FBXL6: variants seen among roughly 807,000 people sequenced by gnomAD.
The protein encoded by FBXL6 is F-box and leucine rich repeat protein 6, also known as F-box/LRR-repeat protein 6.
FBXL6 carries 50 observed loss-of-function variants against 53.3 expected under a neutral mutation model. That is an observed-to-expected ratio of 0.94 (90% confidence interval 0.75 to 1.19). FBXL6 has a LOEUF of 1.19. Ranked by LOEUF, FBXL6 falls within the 50% of genes most tolerant of loss-of-function variation. The pLI, the probability that FBXL6 is intolerant of heterozygous loss-of-function variation, is 0.00. For missense variants in FBXL6, 815 were observed against 719.0 expected (o/e 1.13, Z -1.53); for synonymous variants, 405 against 322.9 (o/e 1.25, Z -2.73).
rs782372899 is a variant in FBXL6 at position 144,356,440 on chromosome 8, C to A, written c.1085G>T (p.Cys362Phe). The change falls in exon 7 of 9, where the codon TGC becomes TTC. Residue 362 changes from cysteine (C) to phenylalanine (F), a missense_variant. Cys to Phe is a radical substitution (Grantham distance 205). Transcript: ENST00000331890. ...AAAGTTGCAGGTTGAGCTCGCCAGG[C>A]AGAGCTCCTCTAGGCTAGGGAAGCC... ...GPGFPSLEEL[C>F]LASSTCNFVS... 6.2e-7 allele frequency: 1 copy of A among 1,613,066 alleles called. No individual in the cohort carries two copies. The highest frequency in any genetic ancestry group is 1.1e-5 in the South Asian group (1 of 91,092).
rs149455097 is a variant in FBXL6, at chr8:144,355,657, C to G, written c.1494G>C (p.Pro498=). ...ACTCCAGGTTGAGGTAGAGCAGGCC[C>G]GGGCAGCCGCTGATCACAGAGCTGT... is the stretch of plus-strand genomic sequence containing the variant. ...STVSSVISGC[P]GLLYLNLESC... Residue 498 remains proline, a synonymous_variant, in exon 9 of 9, where the codon CCG becomes CCC. Coordinates refer to ENST00000331890, the MANE Select transcript of FBXL6 (RefSeq NM_012162.4). 2 of 1,610,828 alleles carry G rather than the reference C, an allele frequency of 1.2e-6. No homozygotes were observed. The highest frequency in any genetic ancestry group is 2.2e-5 in the South Asian group (2 of 90,990).
At position 144,356,414 on chromosome 8, in the gene FBXL6, CAA is replaced by C; in HGVS notation, c.1109_1110del (p.Phe370CysfsTer84). On this transcript the variant is annotated frameshift_variant, in exon 7 of 9. Coordinates refer to ENST00000331890, the MANE Select transcript of FBXL6 (RefSeq NM_012162.4). LOFTEE classifies it high-confidence loss of function. ...ELCLASSTCN[F>X]VSNEVLGRLL... ...AGGCGGCCCAGGACCTCGTTGCTCA[CAA>C]AGTTGCAGGTTGAGCTCGCCAGGCA... 6.2e-6 allele frequency: 10 copies of C among 1,613,042 alleles called. No homozygotes were observed. Among genetic ancestry groups the C allele is most frequent in the Non-Finnish European group, 8.5e-6 (10 of 1,180,030 alleles).
Position 144,358,095 on chromosome 8 carries a change from T to C in FBXL6, c.353A>G (p.Glu118Gly). Residue 118 changes from glutamate (E) to glycine (G), a missense_variant, in exon 1 of 9, where the codon GAA (glutamate) becomes GGA (glycine). Coordinates refer to ENST00000331890, the MANE Select transcript of FBXL6 (RefSeq NM_012162.4). The part of the protein sequence containing the change: ...DAGWGDRIPL[E>G]ILVQIFGLLV... ...CAACCCGAAAATCTGCACCAGGATT[T>C]CCAAGGGAATGCGGTCTCCCCAGCC... 6.3e-7 allele frequency: 1 copy of C among 1,597,536 alleles called. No homozygotes were observed. The highest frequency in any genetic ancestry group is 8.5e-7 in the Non-Finnish European group (1 of 1,175,102).
chr8:144,355,653 G>C lies in FBXL6; in HGVS notation c.1498C>G (p.Leu500Val), dbSNP rs868977172. The C allele has an allele frequency of 6.2e-7, 1 of 1,610,930 alleles. No homozygotes were observed. The change falls in exon 9 of 9, where the codon CTG (leucine) becomes GTG (valine). Residue 500 changes from leucine (L) to valine (V), a missense_variant. Leu to Val is a conservative substitution (Grantham distance 32, BLOSUM62 1). Coordinates refer to ENST00000331890, the MANE Select transcript of FBXL6 (RefSeq NM_012162.4). ...CAGGACTCCAGGTTGAGGTAGAGCA[G>C]GCCCGGGCAGCCGCTGATCACAGAG... The part of the protein sequence containing the change: ...VSSVISGCPG[L>V]LYLNLESCRC...
chr8:144,356,295 C>A lies in FBXL6; in HGVS notation c.1225+5G>T, dbSNP rs1818410945. ...CCCGCCCGGCCACCACCCAGGACTG[C>A]TGACCCCGACATGGCAGATCCTGAA... On this transcript the variant is annotated splice_donor_5th_base_variant and intron_variant, in intron 7 of 8. Coordinates refer to ENST00000331890, the MANE Select transcript of FBXL6 (RefSeq NM_012162.4). 1 of 762,030 alleles carries A rather than the reference C, an allele frequency of 1.3e-6. No homozygotes were observed. Among genetic ancestry groups the A allele is most frequent in the African/African-American group, 2.8e-5 (1 of 35,454 alleles). 47.2% of individuals were successfully genotyped at this position (762,030 alleles called of 1,614,324 possible).
Position 144,356,405 on chromosome 8 carries a change from C to G in FBXL6, c.1120G>C (p.Glu374Gln). Residue 374 changes from glutamate to glutamine, a missense_variant, in exon 7 of 9, where the codon GAG becomes CAG. Coordinates refer to ENST00000331890, the MANE Select transcript of FBXL6 (RefSeq NM_012162.4). ...ASSTCNFVSN[E>Q]VLGRLLHGSP... ...CCGTGGAGTAGGCGGCCCAGGACCT[C>G]GTTGCTCACAAAGTTGCAGGTTGAG... 6.2e-7 allele frequency: 1 copy of G among 1,604,646 alleles called. No homozygotes were observed. Among genetic ancestry groups the G allele is most frequent in the Non-Finnish European group, 8.5e-7 (1 of 1,176,760 alleles).
chr8:144,357,474 T>C lies in FBXL6; in HGVS notation c.604A>G (p.Ile202Val). 6.2e-7 allele frequency: 1 copy of C among 1,613,326 alleles called. No individual in the cohort carries two copies. The highest frequency in any genetic ancestry group is 2.2e-5 in the East Asian group (1 of 44,880). The change falls in exon 3 of 9, where the codon ATC becomes GTC. Residue 202 changes from isoleucine to valine, a missense_variant. Coordinates refer to ENST00000331890, the MANE Select transcript of FBXL6 (RefSeq NM_012162.4). ...RFSQLQRLTL[I>V]HWKSQVHPVL... ...GGGTGTACCTGAGACTTCCAGTGGA[T>C]GAGGGTCAGCCTCTGGAGCTGTGAA...
Position 144,358,191 on chromosome 8 carries a change from C to G in FBXL6, c.257G>C (p.Arg86Thr). The G allele has an allele frequency of 1.5e-6, 2 of 1,371,618 alleles. No individual in the cohort carries two copies. The highest frequency in any genetic ancestry group is 9.4e-7 in the Non-Finnish European group (1 of 1,067,910). 85.0% of individuals were successfully genotyped at this position (1,371,618 alleles called of 1,614,324 possible). A position where few individuals can be genotyped will look rare whatever the true frequency, so the allele number is the denominator to read the frequency against. ...SAAAKPKAGL[R>T]SEAAAAPAPA... ...TGCGGGCGCGGCCGCCGCCTCGGAC[C>G]TGAGCCCGGCCTTGGGCTTGGCCGC... Residue 86 changes from arginine (R) to threonine (T), a missense_variant, in exon 1 of 9, where the codon AGG becomes ACG. By Grantham distance (71) the Arg-to-Thr change is moderately conservative. Transcript: ENST00000331890.
chr8:144,357,851 G>C, intron 1 of FBXL6, 65 bp from the exon 2 acceptor site: 2 of 1,449,698 alleles, frequency 1.4e-6, no homozygotes, highest in Non-Finnish European at 1.8e-6. Context: ...TCGCAGCGCA[G>C]TAGACACCCC....
At position 144,356,868 on chromosome 8, in the gene FBXL6, T is replaced by A. The variant is rs782210774; in HGVS notation, c.819A>T (p.Arg273=). ...TGTAGGTCAGCCACAACTTGCGCAT[T>A]CGGGACCCTGCCTCCTCCAAGAAGC... The part of the protein sequence containing the change: ...VVSFLEEAGS[R]MRKLWLTYSS... The change falls in exon 5 of 9, where the codon CGA becomes CGT. Residue 273 remains arginine, a synonymous_variant. Coordinates refer to ENST00000331890, the MANE Select transcript of FBXL6 (RefSeq NM_012162.4). The A allele has an allele frequency of 6.2e-7, 1 of 1,613,326 alleles. No individual in the cohort carries two copies. The highest frequency in any genetic ancestry group is 1.1e-5 in the South Asian group (1 of 91,084).
At chr8:144,357,565 C>T in intron 2 of FBXL6, 63 bp from the exon 3 acceptor site, 13 of 1,611,276 alleles carry the variant, frequency 8.1e-6, no homozygotes, top group Non-Finnish European at 6.8e-6. Flanking sequence ...CCACCCAACA[C>T]CTTGGTGCAG....
Position 144,355,540 on chromosome 8 carries a change from T to A in FBXL6, c.1611A>T (p.Ser537=). The A allele has an allele frequency of 6.2e-7, 1 of 1,609,146 alleles. No homozygotes were observed. Among genetic ancestry groups the A allele is most frequent in the South Asian group, 1.1e-5 (1 of 90,972 alleles). Residue 537 remains serine (S), a synonymous_variant, in exon 9 of 9, where the codon TCA becomes TCT. Transcript: ENST00000331890. ...CCAGGTCTGTGGCTGCCTAGCTGGGTGAGGGGCTGGTGAGCAGCTGCTCCA... is the reference window on the plus strand; with the variant it reads ...CCAGGTCTGTGGCTGCCTAGCTGGGAGAGGGGCTGGTGAGCAGCTGCTCCA... ...WCLEQLLTSP[S]PS
rs782381747 is a variant in FBXL6, at chr8:144,358,054, C to T, written c.394G>A (p.Gly132Ser). Residue 132 changes from glycine (G) to serine (S), a missense_variant, in exon 1 of 9, where the codon GGC (glycine) becomes AGC (serine). Physicochemically the swap from Gly to Ser is moderately conservative, Grantham distance 56. Coordinates refer to ENST00000331890, the MANE Select transcript of FBXL6 (RefSeq NM_012162.4). ...TACCTGCCCAGGAAGGGCATGGGGC[C>T]GTCCGCCGCCACCAACAACCCGAAA... is the stretch of plus-strand genomic sequence containing the variant. ...QIFGLLVAADGPMPFLGRAAR... is the reference protein window; with the variant it reads ...QIFGLLVAADSPMPFLGRAAR... 5 of 1,597,002 alleles carry T rather than the reference C, an allele frequency of 3.1e-6. No homozygotes were observed. Among genetic ancestry groups the T allele is most frequent in the Non-Finnish European group, 3.4e-6 (4 of 1,175,512 alleles).
At position 144,355,517 on chromosome 8, in the gene FBXL6, AG is replaced by A; in HGVS notation, c.*13del. 1 of 1,604,818 alleles carries A rather than the reference AG, an allele frequency of 6.2e-7. No individual in the cohort carries two copies. Among genetic ancestry groups the A allele is most frequent in the Non-Finnish European group, 8.5e-7 (1 of 1,174,512 alleles). ...GTGGGCAAGCTGGCTGAGGTGTCCC[AG>A]GTCTGTGGCTGCCTAGCTGGGTGAG... On this transcript the variant is annotated 3_prime_UTR_variant, in exon 9 of 9. Coordinates refer to ENST00000331890, the MANE Select transcript of FBXL6 (RefSeq NM_012162.4).
In FBXL6 at chr8:144,355,729, G is replaced by A. The variant is rs782058781; in HGVS notation, c.1473-51C>T. The A allele has an allele frequency of 2.5e-6, 4 of 1,599,198 alleles. No individual in the cohort carries two copies. In the South Asian group the frequency reaches 4.4e-5, roughly 18 times the overall value. ...GTTGAGCTGTTGCCTCAGAAGGGCT[G>A]GGCCAGGCTAGGGAGCTGTGCCTGC... On this transcript the variant is annotated intron_variant, in intron 8 of 8. Coordinates refer to ENST00000331890, the MANE Select transcript of FBXL6 (RefSeq NM_012162.4).
chr8:144,357,709 G>A lies in FBXL6; in HGVS notation c.494C>T (p.Pro165Leu), dbSNP rs1475823306. 4 of 1,609,312 alleles carry A rather than the reference G, an allele frequency of 2.5e-6. No individual in the cohort carries two copies. Among genetic ancestry groups the A allele is most frequent in the Non-Finnish European group, 3.4e-6 (4 of 1,178,580 alleles). ...GCCCTTGGCAGGCCGGCCGACCAGCGGGGACGACAGGGTCACGGTGTGCCA... is the reference window on the plus strand; with the variant it reads ...GCCCTTGGCAGGCCGGCCGACCAGCAGGGACGACAGGGTCACGGTGTGCCA... ...ALWHTVTLSS[P>L]LVGRPAKGGV... Residue 165 changes from proline (P) to leucine (L), a missense_variant, in exon 2 of 9, where the codon CCG becomes CTG. Pro to Leu is a moderately conservative substitution (Grantham distance 98). Transcript: ENST00000331890.
At chr8:144,357,332 TCC>T in intron 3 of FBXL6, 105 bp downstream of exon 3, 1 of 1,309,272 alleles carries the variant, frequency 7.6e-7, no homozygotes. Context: ...CAGGCAGACA[TCC>T]CCACGGAGCA....
chr8:144,357,273 C>G, intron 3 of FBXL6, 152 bp from the exon 4 acceptor site: 2 of 1,271,750 alleles, frequency 1.6e-6, no homozygotes, highest in Non-Finnish European at 2.2e-6. Context: ...GTCCCCGCCT[C>G]TGATACCTCC....
intron 1 of FBXL6, 32 bp downstream of exon 1, chr8:144,358,000 A>ACTAG (rs782180781): frequency 6.4e-7 from 1 of 1,570,736 alleles, no homozygotes; most frequent in African/African-American, 1.4e-5. Context: ...CCAAGCCGCT[A>ACTAG]CGCTCGGCGG....
Sources: gnomAD v4.1 joint callset for allele counts on GRCh38, gnomAD v4.1.1 for gene constraint, MANE v1.5 for transcripts, NCBI Gene and HGNC (gene_info 2026-07-23, HGNC 2026-07-21) for gene names.